The following NAALADL2 variants were observed in gnomAD, a reference collection of about 807,000 sequenced individuals.
The protein encoded by NAALADL2 is inactive N-acetylated-alpha-linked acidic dipeptidase-like protein 2.
A neutral mutation model predicts 87.2 loss-of-function variants in NAALADL2; 76 were observed. That is an observed-to-expected ratio of 0.87 (90% confidence interval 0.72 to 1.05). The LOEUF (loss-of-function observed/expected upper bound fraction) is 1.05, where lower values mean the gene tolerates loss of function less well. NAALADL2 is among the 50% of genes least tolerant of loss of function. The probability of loss-of-function intolerance (pLI) is 0.00; values close to 1 mark genes in which losing one functional copy is unlikely to be tolerated. For synonymous variants in NAALADL2, 354 were observed against 331.0 expected, an observed-to-expected ratio of 1.07 and a Z score of -0.75; for missense variants, 1,089 against 945.8, an observed-to-expected ratio of 1.15 and a Z score of -1.99.
intron 5 of NAALADL2, among the ~76,000 whole-genome samples, chr3:175,439,731 C>CTTTTTTTTTTTTTTTTTTTTTT (rs535237866): frequency 1.8e-5 from 2 of 113,778 alleles, no homozygotes; most frequent in African/African-American, 3.6e-5. Context: ...GTTTTTTTTT[C>CTTTTTTTTTTTTTTTTTTTTTT]TTTTTTTTCT....
intron 2 of NAALADL2, among the ~76,000 whole-genome samples, chr3:174,591,966 T>C (rs1423602899): frequency 6.6e-6 from 1 of 152,156 alleles, no homozygotes; most frequent in Non-Finnish European, 1.5e-5. Flanking sequence ...AGATTTTTAT[T>C]TTCTTGGCAG....
In NAALADL2 at chr3:175,794,458, A is replaced by G. The variant is rs1753207970; in HGVS notation, c.2190-8547A>G. 3.3e-5 allele frequency among the ~76,000 whole-genome samples: 5 copies of G among 152,098 alleles called. No homozygotes were observed. The South Asian group carries it at 8.3e-4, about 25-fold the overall frequency. On this transcript the variant is annotated intron_variant, in intron 13 of 13. Transcript: ENST00000454872. The stretch of plus-strand genomic sequence containing the variant: ...AGGCACTAAGGATTGTGTTAACTTC[A>G]TTTGATTTTAGTCTTGTTTTTGAAT...
intron 3 of NAALADL2, among the ~76,000 whole-genome samples, chr3:174,738,867 T>C (rs1733480524): frequency 6.6e-6 from 1 of 152,168 alleles, no homozygotes; most frequent in African/African-American, 2.4e-5. Flanking sequence ...AATTACTTTT[T>C]GACCATAAAA....
chr3:174,535,654 A>G (rs893399505), intron 1 of NAALADL2, among the ~76,000 whole-genome samples: 1 of 152,234 alleles, frequency 6.6e-6, no homozygotes, highest in Non-Finnish European at 1.5e-5. Flanking sequence ...TGGAACCCAG[A>G]GAGTTCATTA....
chr3:174,825,425 A>G (rs1367300143), intron 3 of NAALADL2, among the ~76,000 whole-genome samples: 4 of 152,150 alleles, frequency 2.6e-5, no homozygotes, highest in Non-Finnish European at 5.9e-5. Flanking sequence ...AGAGGGAGAG[A>G]ATTTGCCCTT....
intron 1 of NAALADL2, among the ~76,000 whole-genome samples, chr3:175,068,292 C>G (rs1169651949): frequency 6.6e-6 from 1 of 152,062 alleles, no homozygotes; most frequent in East Asian, 1.9e-4. Flanking sequence ...TTTTACACTT[C>G]TTACTCCTCA....
At chr3:175,754,532 G>T (rs1416954379) in intron 12 of NAALADL2, among the ~76,000 whole-genome samples, 1 of 152,028 alleles carries the variant, frequency 6.6e-6, no homozygotes, top group Non-Finnish European at 1.5e-5. Context: ...TTAGGTCAAA[G>T]ATATATATCA....
intron 2 of NAALADL2, among the ~76,000 whole-genome samples, chr3:174,578,800 A>G (rs1028699154): frequency 3.3e-5 from 5 of 151,932 alleles, no homozygotes; most frequent in African/African-American, 9.7e-5. Flanking sequence ...AGGAAACTCC[A>G]TCAATATAAA....
intron 2 of NAALADL2, among the ~76,000 whole-genome samples, chr3:175,144,751 T>G (rs1439681541): frequency 2.6e-5 from 4 of 151,994 alleles, no homozygotes; most frequent in African/African-American, 9.7e-5. Context: ...GTGCCAGTTC[T>G]TGTGTTTAAT....
At chr3:175,490,682 A>G (rs1250277388) in intron 9 of NAALADL2, among the ~76,000 whole-genome samples, 1 of 151,688 alleles carries the variant, frequency 6.6e-6, no homozygotes, top group Non-Finnish European at 1.5e-5. Flanking sequence ...GGCGTGAGCC[A>G]CCGCGCCGGA....
chr3:175,642,785 C>T (rs1172893457), intron 11 of NAALADL2, among the ~76,000 whole-genome samples: 2 of 152,172 alleles, frequency 1.3e-5, no homozygotes, highest in Non-Finnish European at 2.9e-5. Flanking sequence ...CAGGTGTAAG[C>T]CACCGCGCCC....
chr3:174,808,139 C>T (rs78044477), intron 3 of NAALADL2, among the ~76,000 whole-genome samples: 3,875 of 152,118 alleles, frequency 0.025, 182 homozygotes, highest in African/African-American at 0.088. Context: ...TATTAAATCA[C>T]ACACAAATTA....
chr3:174,469,007 CCCGCCCT>C (rs1279824215), intron 1 of NAALADL2, among the ~76,000 whole-genome samples: 2 of 152,048 alleles, frequency 1.3e-5, no homozygotes, highest in East Asian at 3.9e-4. Context: ...AGGTGATCCG[CCCGCCCT>C]GGCCTCCCAA....
intron 3 of NAALADL2, among the ~76,000 whole-genome samples, chr3:174,823,902 G>C (rs1045192719): frequency 6.6e-6 from 1 of 152,034 alleles, no homozygotes; most frequent in Admixed American, 6.6e-5. Flanking sequence ...GTAGATACGA[G>C]ATTTCACTAT....
chr3:174,782,172 T>G (rs2109152905), intron 3 of NAALADL2, among the ~76,000 whole-genome samples: 1 of 152,192 alleles, frequency 6.6e-6, no homozygotes, highest in East Asian at 1.9e-4. Flanking sequence ...AAAAACAGGG[T>G]TTAAATAGTG....
chr3:175,611,771 GA>G (rs1286544120), intron 10 of NAALADL2, among the ~76,000 whole-genome samples: 4 of 152,220 alleles, frequency 2.6e-5, no homozygotes, highest in African/African-American at 9.6e-5. Context: ...ATAATTTGTT[GA>G]AGTGAAGCAT....
intron 3 of NAALADL2, among the ~76,000 whole-genome samples, chr3:174,845,310 G>A (rs937893311): frequency 9.9e-5 from 15 of 152,172 alleles, no homozygotes; most frequent in African/African-American, 3.6e-4. Flanking sequence ...CTCTGGGCTG[G>A]CTCTCCTGCC....
intron 6 of NAALADL2, among the ~76,000 whole-genome samples, chr3:175,455,705 A>G (rs1722225430): frequency 6.6e-6 from 1 of 152,084 alleles, no homozygotes; most frequent in Non-Finnish European, 1.5e-5. Flanking sequence ...GATGGCAGAG[A>G]ATCTAGAAGC....
chr3:175,117,529 T>C (rs191203795), intron 2 of NAALADL2, among the ~76,000 whole-genome samples: 17 of 152,172 alleles, frequency 1.1e-4, no homozygotes, highest in African/African-American at 2.9e-4. Flanking sequence ...TCATCATTAC[T>C]GGCCATCAGA....
Sources: allele counts gnomAD v4.1 joint callset (sites outside exome capture counted in the v4.1 genomes callset), GRCh38; gene constraint gnomAD v4.1.1; transcripts MANE v1.5; gene names NCBI Gene and HGNC (gene_info 2026-07-23, HGNC 2026-07-21).